Variants in KCNAB1 observed in about 807,000 individuals in gnomAD.
KCNAB1 encodes potassium voltage-gated channel subfamily A regulatory beta subunit 1.
Under a neutral mutation model 64.6 loss-of-function variants are expected in KCNAB1, and 35 were observed. The ratio of observed to expected loss-of-function variants is 0.54; its 90% confidence interval spans 0.41 to 0.72. The LOEUF is 0.72. Ranked by LOEUF, KCNAB1 falls within the 30% of genes least tolerant of loss-of-function variation. The pLI, the probability that KCNAB1 is intolerant of heterozygous loss-of-function variation, is 0.00. For missense variants in KCNAB1, 401 were observed against 512.9 expected (o/e 0.78, Z 2.11); for synonymous variants, 177 against 183.8 (o/e 0.96, Z 0.30).
At chr3:156,232,948 G>A (rs1389160636) in intron 1 of KCNAB1, among the ~76,000 whole-genome samples, 1 of 151,974 alleles carries the variant, frequency 6.6e-6, no homozygotes, top group Non-Finnish European at 1.5e-5. Flanking sequence ...CTAAGAGGCC[G>A]TGTGGATTAT....
intron 1 of KCNAB1, among the ~76,000 whole-genome samples, chr3:156,351,667 C>T (rs576884782): frequency 1.3e-5 from 2 of 152,344 alleles, no homozygotes; most frequent in South Asian, 4.1e-4. Context: ...CCTCACTGGT[C>T]CTCCTGACAA....
intron 1 of KCNAB1, among the ~76,000 whole-genome samples, chr3:156,214,737 T>G (rs1715211203): frequency 1.3e-5 from 2 of 152,174 alleles, no homozygotes; most frequent in South Asian, 4.1e-4. Context: ...ATTTAACAAG[T>G]TTTCACAGCT....
chr3:156,499,562 T>C (rs1716239404), intron 8 of KCNAB1, among the ~76,000 whole-genome samples: 3 of 151,676 alleles, frequency 2.0e-5, no homozygotes. Flanking sequence ...ATCAAAAGAG[T>C]TTGCATGAAA....
chr3:156,185,376 C>A (rs1713118311), intron 1 of KCNAB1, among the ~76,000 whole-genome samples: 1 of 152,220 alleles, frequency 6.6e-6, no homozygotes, highest in Non-Finnish European at 1.5e-5. Flanking sequence ...TCCTGGGCTT[C>A]ACTTTCTCCC....
At chr3:156,247,423 T>A (rs1011250871) in intron 1 of KCNAB1, among the ~76,000 whole-genome samples, 1 of 152,192 alleles carries the variant, frequency 6.6e-6, no homozygotes. Context: ...TATGTTCACT[T>A]GGTTTTTTTT....
intron 1 of KCNAB1, among the ~76,000 whole-genome samples, chr3:156,339,103 C>T (rs1389561398): frequency 1.3e-5 from 2 of 151,988 alleles, no homozygotes; most frequent in Non-Finnish European, 2.9e-5. Flanking sequence ...GCTCAGGGGT[C>T]GGGGTATGAA....
At chr3:156,366,919 C>A (rs1725978421) in intron 1 of KCNAB1, among the ~76,000 whole-genome samples, 1 of 152,186 alleles carries the variant, frequency 6.6e-6, no homozygotes, top group Non-Finnish European at 1.5e-5. Context: ...ATAATATTAG[C>A]TGCTGAGAAT....
At chr3:156,194,129 GA>G (rs948335393) in intron 1 of KCNAB1, among the ~76,000 whole-genome samples, 2 of 151,428 alleles carry the variant, frequency 1.3e-5, no homozygotes, top group Non-Finnish European at 2.9e-5. Context: ...TAAATATTAA[GA>G]AAAAATTTAA....
At chr3:156,309,865 A>C (rs116671739) in intron 1 of KCNAB1, among the ~76,000 whole-genome samples, 372 of 152,326 alleles carry the variant, frequency 2.4e-3, no homozygotes, top group African/African-American at 8.5e-3. Flanking sequence ...TTAGTTCTAG[A>C]ATTCTAGAAT....
chr3:156,320,128 G>T (rs1188905714), intron 1 of KCNAB1, among the ~76,000 whole-genome samples: 1 of 152,210 alleles, frequency 6.6e-6, no homozygotes, highest in Non-Finnish European at 1.5e-5. Flanking sequence ...GCTGTGCACA[G>T]GGTGTCAGGG....
chr3:156,240,937 G>C (rs1210065752), intron 1 of KCNAB1, among the ~76,000 whole-genome samples: 2 of 143,582 alleles, frequency 1.4e-5, no homozygotes, highest in East Asian at 2.2e-4. Flanking sequence ...GCTTAATTCT[G>C]TGAGGGAAAC....
intron 2 of KCNAB1, among the ~76,000 whole-genome samples, chr3:156,430,694 G>A (rs1716146269): frequency 6.6e-6 from 1 of 152,082 alleles, no homozygotes; most frequent in African/African-American, 2.4e-5. Flanking sequence ...TAGCAGCCTC[G>A]TCCCTTATGG....
chr3:156,417,096 A>G (rs563035253), intron 1 of KCNAB1, among the ~76,000 whole-genome samples: 2 of 152,324 alleles, frequency 1.3e-5, no homozygotes, highest in South Asian at 4.1e-4. Flanking sequence ...AAATGTTATT[A>G]CTATTTGTAG....
chr3:156,140,985 C>T (rs1714673808), intron 1 of KCNAB1, among the ~76,000 whole-genome samples: 3 of 151,246 alleles, frequency 2.0e-5, no homozygotes, highest in Admixed American at 6.6e-5. Context: ...CAGTTTATGT[C>T]CAGGAGTCAC....
intron 1 of KCNAB1, among the ~76,000 whole-genome samples, chr3:156,166,880 C>T: frequency 6.6e-6 from 1 of 152,134 alleles, no homozygotes; most frequent in African/African-American, 2.4e-5. Context: ...TCTGCGAAGG[C>T]TTTTTAGGAT....
At chr3:156,372,225 G>T (rs900914471) in intron 1 of KCNAB1, among the ~76,000 whole-genome samples, 10 of 152,236 alleles carry the variant, frequency 6.6e-5, no homozygotes, top group Admixed American at 2.0e-4. Context: ...AATTCTGAGA[G>T]TAATACATTG....
At chr3:156,174,480 A>T (rs567847745) in intron 1 of KCNAB1, among the ~76,000 whole-genome samples, 1 of 152,360 alleles carries the variant, frequency 6.6e-6, no homozygotes, top group African/African-American at 2.4e-5. Flanking sequence ...TACAGTATTC[A>T]GCAAAATAAA....
chr3:156,505,016 C>G (rs1716738676), intron 8 of KCNAB1, among the ~76,000 whole-genome samples: 1 of 151,970 alleles, frequency 6.6e-6, no homozygotes, highest in Admixed American at 6.6e-5. Flanking sequence ...CTGTTTTCTT[C>G]TAGTAGTGTC....
At chr3:156,516,002 C>A (rs7643548) in intron 10 of KCNAB1, among the ~76,000 whole-genome samples, 77,984 of 152,000 alleles carry the variant, frequency 0.51, 20,490 homozygotes, top group African/African-American at 0.61. Flanking sequence ...GACAACAAAA[C>A]TTCGTGGATG....
Sources: allele counts gnomAD v4.1 joint callset (sites outside exome capture counted in the v4.1 genomes callset), GRCh38; gene constraint gnomAD v4.1.1; transcripts MANE v1.5; gene names NCBI Gene and HGNC (gene_info 2026-07-23, HGNC 2026-07-21).